Variants in CAMTA1 observed in about 807,000 individuals in gnomAD.
CAMTA1 encodes calmodulin binding transcription activator 1, also known as calmodulin-binding transcription activator 1.
In CAMTA1, 27 loss-of-function variants were observed where a neutral mutation model predicts 170.9. That is an observed-to-expected ratio of 0.16 (90% CI 0.12 to 0.22). The LOEUF is 0.22. Among genes scored for constraint, CAMTA1 ranks in the 10% least tolerant of loss-of-function variants. The probability of loss-of-function intolerance (pLI) is 1.00; values close to 1 mark genes in which losing one functional copy is unlikely to be tolerated. For missense variants in CAMTA1, 1,619 were observed against 2,217.2 expected (o/e 0.73, Z 5.42); for synonymous variants, 833 against 891.5 (o/e 0.93, Z 1.17).
At chr1:7,076,028 A>G (rs1639259274) in intron 3 of CAMTA1, among the ~76,000 whole-genome samples, 4 of 152,122 alleles carry the variant, frequency 2.6e-5, no homozygotes, top group Admixed American at 2.6e-4. Context: ...CTTATTGGAG[A>G]GAAGACCTAG....
chr1:7,492,810 C>T (rs1235771065), intron 6 of CAMTA1, among the ~76,000 whole-genome samples: 5 of 111,966 alleles, frequency 4.5e-5, no homozygotes, highest in Non-Finnish European at 6.8e-5. Context: ...TATACACATG[C>T]GCGCACAGAC....
At chr1:6,792,623 A>G (rs1641438974) in intron 1 of CAMTA1, among the ~76,000 whole-genome samples, 1 of 152,124 alleles carries the variant, frequency 6.6e-6, no homozygotes. Flanking sequence ...GACATGGCAT[A>G]AGATGGAATG....
At chr1:7,581,762 T>C (rs1396413900) in intron 6 of CAMTA1, among the ~76,000 whole-genome samples, 1 of 152,234 alleles carries the variant, frequency 6.6e-6, no homozygotes, top group Admixed American at 6.5e-5. Context: ...TGCTGGGAAT[T>C]TTCTGGAATG....
intron 4 of CAMTA1, among the ~76,000 whole-genome samples, chr1:7,240,298 A>G (rs568690608): frequency 6.6e-6 from 1 of 152,298 alleles, no homozygotes; most frequent in African/African-American, 2.4e-5. Context: ...AAGGCAGGAT[A>G]TGTGGCCTAA....
intron 1 of CAMTA1, among the ~76,000 whole-genome samples, chr1:6,814,489 A>G (rs1471926947): frequency 6.6e-6 from 1 of 152,176 alleles, no homozygotes; most frequent in East Asian, 1.9e-4. Context: ...TGACCTAGAA[A>G]GTCTTCTGCC....
intron 3 of CAMTA1, among the ~76,000 whole-genome samples, chr1:6,991,684 A>T (rs1341091292): frequency 6.6e-6 from 1 of 151,782 alleles, no homozygotes; most frequent in Non-Finnish European, 1.5e-5. Context: ...TTTTATTTTT[A>T]TTTATTTGTT....
Position 7,333,429 on chromosome 1 carries a change from A to T in CAMTA1, c.438+83803A>T, listed in dbSNP as rs1273788620. Reference sequence around the variant, plus strand: ...CTTCCTGCAAGGTCACAGGTGGAACAGGTGGAGAGAACACACCGTTCTCTC... The same window carrying T: ...CTTCCTGCAAGGTCACAGGTGGAACTGGTGGAGAGAACACACCGTTCTCTC... On this transcript the variant is annotated intron_variant, in intron 5 of 22. Coordinates refer to ENST00000303635, the MANE Select transcript of CAMTA1 (RefSeq NM_015215.4). The surrounding 1 kb of genome is among the most constrained non-coding windows in gnomAD (Gnocchi z 4.4). 6.6e-6 allele frequency among the ~76,000 whole-genome samples: 1 copy of T among 152,232 alleles called. No homozygotes were observed. Among genetic ancestry groups the T allele is most frequent in the Non-Finnish European group, 1.5e-5 (1 of 68,044 alleles).
intron 5 of CAMTA1, among the ~76,000 whole-genome samples, chr1:7,308,516 G>T (rs1675947876): frequency 6.6e-6 from 1 of 151,878 alleles, no homozygotes; most frequent in Non-Finnish European, 1.5e-5. Context: ...CACTGCTTTG[G>T]CTGTATCCCA....
Position 7,767,812 on chromosome 1 carries a change from G to A in CAMTA1, c.*1321G>A, listed in dbSNP as rs2097032156. 2 of 137,938 alleles carry A rather than the reference G, an allele frequency of 1.4e-5. No homozygotes were observed. Among genetic ancestry groups the A allele is most frequent in the Admixed American group, 7.6e-5 (1 of 13,218 alleles). The allele number at this position is 137,938 out of a possible 1,614,324, so 8.5% of individuals were successfully genotyped here. ...GTACTTTATTTTAAATGTTCTTTAG[G>A]AGAACATTTTGCTAAAGCATGACTA... is the stretch of plus-strand genomic sequence containing the variant. On this transcript the variant is annotated 3_prime_UTR_variant, in exon 23 of 23. Coordinates refer to ENST00000303635, the MANE Select transcript of CAMTA1 (RefSeq NM_015215.4).
Position 7,234,539 on chromosome 1 carries a change from G to A in CAMTA1, c.303-14952G>A, listed in dbSNP as rs1256315365. Among the ~76,000 whole-genome samples the A allele has an allele frequency of 3.3e-5, 5 of 152,200 alleles. No homozygotes were observed. Among genetic ancestry groups the A allele is most frequent in the Non-Finnish European group, 5.9e-5 (4 of 68,046 alleles). ...CAGCACCCGGCGTGAATGCTCAGCC[G>A]TGATAGCTGCTCAGTAAATATTAAC... On this transcript the variant is annotated intron_variant, in intron 4 of 22. Coordinates refer to ENST00000303635, the MANE Select transcript of CAMTA1 (RefSeq NM_015215.4). The surrounding 1 kb of genome is among the most constrained non-coding windows in gnomAD (Gnocchi z 5.0).
intron 3 of CAMTA1, among the ~76,000 whole-genome samples, chr1:6,866,855 A>G (rs1011651297): frequency 3.3e-5 from 5 of 152,200 alleles, no homozygotes; most frequent in Admixed American, 6.5e-5. Context: ...TGTGTTTATT[A>G]TGTATTTCTA....
intron 6 of CAMTA1, among the ~76,000 whole-genome samples, chr1:7,483,850 G>A (rs989627678): frequency 2.0e-5 from 3 of 152,122 alleles, no homozygotes; most frequent in Non-Finnish European, 4.4e-5. Context: ...GTGGCTCCTG[G>A]AGTCGGCCAG....
rs562399545 is a variant in CAMTA1, at chr1:7,215,770, T to C, written c.303-33721T>C. Among the ~76,000 whole-genome samples the C allele has an allele frequency of 1.3e-4, 20 of 152,374 alleles. No homozygotes were observed. The East Asian group carries it at 3.7e-3, about 28-fold the overall frequency. On this transcript the variant is annotated intron_variant, in intron 4 of 22. Transcript: ENST00000303635. ...TTTAATTTTGAAAAGATTTTTAACA[T>C]TATTTTCCAGTTTTATTAGACTGTG...
chr1:7,464,369 CA>C (rs2093162714), intron 5 of CAMTA1, among the ~76,000 whole-genome samples: 1 of 152,190 alleles, frequency 6.6e-6, no homozygotes, highest in East Asian at 1.9e-4. Flanking sequence ...GGAGTTTGTA[CA>C]ACACAAATCA....
chr1:7,301,884 G>A (rs111763047), intron 5 of CAMTA1, among the ~76,000 whole-genome samples: 13 of 152,248 alleles, frequency 8.5e-5, no homozygotes, highest in African/African-American at 2.9e-4. Context: ...GCTCTGGAAC[G>A]GGCTGCAGGC....
intron 7 of CAMTA1, among the ~76,000 whole-genome samples, chr1:7,654,025 C>T (rs2095863685): frequency 6.6e-6 from 1 of 152,080 alleles, no homozygotes; most frequent in African/African-American, 2.4e-5. Flanking sequence ...TGGGGAGGGC[C>T]TGAGAATGAG....
At chr1:7,484,375 T>C in intron 6 of CAMTA1, among the ~76,000 whole-genome samples, 1 of 152,230 alleles carries the variant, frequency 6.6e-6, no homozygotes, top group East Asian at 1.9e-4. Context: ...CTAATCCCCC[T>C]TCTTCAACCA....
At chr1:6,898,872 G>A (rs376885089) in intron 3 of CAMTA1, among the ~76,000 whole-genome samples, 1 of 152,182 alleles carries the variant, frequency 6.6e-6, no homozygotes, top group African/African-American at 2.4e-5. Flanking sequence ...CCAACATGGG[G>A]CCCCCTGGTT....
chr1:7,678,139 AG>A (rs1249322399), intron 11 of CAMTA1, among the ~76,000 whole-genome samples: 1 of 152,214 alleles, frequency 6.6e-6, no homozygotes, highest in Non-Finnish European at 1.5e-5. Context: ...GGAAGCAAAA[AG>A]GGTTCCCAGA....
Sources: allele counts gnomAD v4.1 joint callset (sites outside exome capture counted in the v4.1 genomes callset), GRCh38; gene constraint gnomAD v4.1.1; non-coding constraint Gnocchi (gnomAD v3.1); transcripts MANE v1.5; gene names NCBI Gene and HGNC (gene_info 2026-07-23, HGNC 2026-07-21).